Variants in SNAP23 observed in about 807,000 individuals in gnomAD.
The protein encoded by SNAP23 is synaptosome associated protein 23.
Under a neutral mutation model 29.0 loss-of-function variants are expected in SNAP23, and 11 were observed. The observed-to-expected ratio is 0.38, with a 90% CI of 0.24 to 0.63. SNAP23 has a LOEUF of 0.63. SNAP23 is among the 20% of genes least tolerant of loss of function. SNAP23 has a pLI of 0.58. For missense variants in SNAP23, 220 were observed against 253.9 expected, an observed-to-expected ratio of 0.87 and a Z score of 0.91; for synonymous variants, 60 against 82.9, an observed-to-expected ratio of 0.72 and a Z score of 1.50.
chr15:42,503,977 G>A (rs1449315669), intron 1 of SNAP23, among the ~76,000 whole-genome samples: 2 of 152,094 alleles, frequency 1.3e-5, no homozygotes, highest in Non-Finnish European at 1.5e-5. Flanking sequence ...TGTTTGTGTA[G>A]AAGGAGATAG....
At chr15:42,510,648 A>AGGTGTTAGAGATACAAAGATAAAATCTCT (rs2057352180) in intron 1 of SNAP23, among the ~76,000 whole-genome samples, 1 of 152,158 alleles carries the variant, frequency 6.6e-6, no homozygotes, top group African/African-American at 2.4e-5. Context: ...AGATCCTATT[A>AGGTGTTAGAGATACAAAGATAAAATCTCT]GGTGTTAGAG....
chr15:42,528,490 A>C, intron 6 of SNAP23, 70 bp downstream of exon 6: 1 of 1,408,994 alleles, frequency 7.1e-7, no homozygotes, highest in Non-Finnish European at 1.0e-6. Context: ...TGAGTTTAGC[A>C]GTACATGACC....
intron 5 of SNAP23, among the ~76,000 whole-genome samples, chr15:42,517,076 T>A (rs1026525773): frequency 6.6e-6 from 1 of 152,118 alleles, no homozygotes; most frequent in Admixed American, 6.5e-5. Flanking sequence ...TGTGCCACCA[T>A]ACTCAGCTAA....
intron 1 of SNAP23, chr15:42,495,943 G>T (rs1481558384): frequency 3.3e-5 from 5 of 152,222 alleles, no homozygotes; most frequent in African/African-American, 1.2e-4. Context: ...TAATTCTCTG[G>T]ACCCTTCCTC....
At chr15:42,521,922 G>C (rs896211135) in intron 5 of SNAP23, 2 of 356,242 alleles carry the variant, frequency 5.6e-6, no homozygotes, top group African/African-American at 2.1e-5. Flanking sequence ...TAACATTTAA[G>C]ATTACCAAAA....
At chr15:42,497,478 G>T (rs1213041521) in intron 1 of SNAP23, among the ~76,000 whole-genome samples, 2 of 152,028 alleles carry the variant, frequency 1.3e-5, no homozygotes, top group African/African-American at 4.8e-5. Context: ...CAAAGTGCTG[G>T]GATTACAGGC....
intron 5 of SNAP23, among the ~76,000 whole-genome samples, chr15:42,523,843 G>A (rs1416278793): frequency 6.6e-6 from 1 of 152,070 alleles, no homozygotes; most frequent in African/African-American, 2.4e-5. Flanking sequence ...TTTAGATGGA[G>A]TCTCACTCTG....
intron 1 of SNAP23, among the ~76,000 whole-genome samples, chr15:42,498,000 C>T (rs745324589): frequency 2.0e-5 from 3 of 152,184 alleles, no homozygotes; most frequent in South Asian, 2.1e-4. Context: ...ATCTAGGGCA[C>T]GCTGATGCCA....
upstream of SNAP23, chr15:42,495,382 CTTTCT>C (rs2057208175): frequency 6.6e-6 from 1 of 152,232 alleles, no homozygotes; most frequent in Non-Finnish European, 1.5e-5. Context: ...ACTGTATTCG[CTTTCT>C]TTTCTTCAGC....
upstream of SNAP23, chr15:42,491,270 A>G (rs559901442): frequency 1.3e-5 from 2 of 152,578 alleles, no homozygotes; most frequent in Non-Finnish European, 2.9e-5. Context: ...TGGAGGAAGA[A>G]CAAAGGCAGG....
chr15:42,497,581 G>T (rs1338299124), intron 1 of SNAP23, among the ~76,000 whole-genome samples: 1 of 151,912 alleles, frequency 6.6e-6, no homozygotes, highest in Non-Finnish European at 1.5e-5. Flanking sequence ...CTGACCTCAT[G>T]ATCCACCCAC....
At chr15:42,517,608 C>T (rs118052117) in intron 5 of SNAP23, among the ~76,000 whole-genome samples, 2,244 of 152,284 alleles carry the variant, frequency 0.015, 25 homozygotes, top group Middle Eastern at 0.058. Context: ...CAAGCATAGG[C>T]AAGCTTTTCT....
chr15:42,529,751 G>T lies in SNAP23; in HGVS notation c.502G>T (p.Asp168Tyr), dbSNP rs1267987768. 2 of 1,613,988 alleles carry T rather than the reference G, an allele frequency of 1.2e-6. No individual in the cohort carries two copies. Among genetic ancestry groups the T allele is most frequent in the Admixed American group, 1.7e-5 (1 of 59,980 alleles). The change falls in exon 7 of 8, where the codon GAC becomes TAC. Residue 168 changes from aspartate to tyrosine, a missense_variant. By Grantham distance (160) the Asp-to-Tyr change is radical (BLOSUM62 -3). Coordinates refer to ENST00000249647, the MANE Select transcript of SNAP23 (RefSeq NM_003825.4). ...GGGCAGTATCCTGGGAAATCTAAAAGACATGGCCCTGAACATAGGCAATGA... is the reference window on the plus strand; with the variant it reads ...GGGCAGTATCCTGGGAAATCTAAAATACATGGCCCTGAACATAGGCAATGA... Reference protein sequence around the residue: ...QVGSILGNLKDMALNIGNEID... With the variant: ...QVGSILGNLKYMALNIGNEID...
At position 42,515,305 on chromosome 15, in the gene SNAP23, T is replaced by A. The variant is rs1595523191; in HGVS notation, c.217T>A (p.Leu73Ile). The change falls in exon 5 of 8, where the codon TTA (leucine) becomes ATA (isoleucine). Residue 73 changes from leucine (L) to isoleucine (I), a missense_variant. Physicochemically the swap from Leu to Ile is conservative, Grantham distance 5. Transcript: ENST00000249647. ...GGACATGAGAGAGACAGAGAAGACT[T>A]TAACAGAACTCAACAAATGCTGTGG... ...NKDMRETEKT[L>I]TELNKCCGLC... 5 of 1,612,758 alleles carry A rather than the reference T, an allele frequency of 3.1e-6. No individual in the cohort carries two copies. In the East Asian group the frequency reaches 1.1e-4, roughly 36 times the overall value.
At chr15:42,500,578 C>T (rs190901225) in intron 1 of SNAP23, among the ~76,000 whole-genome samples, 2 of 151,920 alleles carry the variant, frequency 1.3e-5, no homozygotes, top group South Asian at 4.2e-4. Flanking sequence ...TTAGGAGAAA[C>T]GAGGTTTCAC....
intron 5 of SNAP23, among the ~76,000 whole-genome samples, chr15:42,525,014 T>C (rs1166846294): frequency 6.6e-6 from 1 of 152,084 alleles, no homozygotes; most frequent in African/African-American, 2.4e-5. Context: ...GAAAAACAAG[T>C]AGTTTTTTTC....
At chr15:42,529,527 A>G in intron 6 of SNAP23, 148 bp from the exon 7 acceptor site, 1 of 736,832 alleles carries the variant, frequency 1.4e-6, no homozygotes, top group East Asian at 2.7e-5. Context: ...TTTTTATTAT[A>G]GAATGTTTCC....
chr15:42,514,287 T>A (rs1391102091), intron 4 of SNAP23, among the ~76,000 whole-genome samples: 1 of 151,250 alleles, frequency 6.6e-6, no homozygotes, highest in African/African-American at 2.4e-5. Flanking sequence ...ATTACAGGTG[T>A]CCACCACCAC....
At position 42,529,733 on chromosome 15, in the gene SNAP23, A is replaced by G. The variant is rs2057543756; in HGVS notation, c.484A>G (p.Ile162Val). ...MEENLTQVGS[I>V]LGNLKDMALN... Reference sequence around the variant, plus strand: ...AGAGAACCTGACTCAAGTGGGCAGTATCCTGGGAAATCTAAAAGACATGGC... The same window carrying G: ...AGAGAACCTGACTCAAGTGGGCAGTGTCCTGGGAAATCTAAAAGACATGGC... The change falls in exon 7 of 8, where the codon ATC becomes GTC. Residue 162 changes from isoleucine (I) to valine (V), a missense_variant. Coordinates refer to ENST00000249647, the MANE Select transcript of SNAP23 (RefSeq NM_003825.4). 9 of 1,614,170 alleles carry G rather than the reference A, an allele frequency of 5.6e-6. No homozygotes were observed. Among genetic ancestry groups the G allele is most frequent in the Middle Eastern group, 1.6e-4 (1 of 6,062 alleles).
Sources: gnomAD v4.1 joint callset for allele counts (sites outside exome capture counted in the v4.1 genomes callset) on GRCh38, gnomAD v4.1.1 for gene constraint, MANE v1.5 for transcripts, NCBI Gene and HGNC (gene_info 2026-07-23, HGNC 2026-07-21) for gene names.